The following PARG variants were observed in gnomAD, a reference collection of about 807,000 sequenced individuals.
The protein encoded by PARG is mitochondrial poly(ADP-ribose) glycohydrolase.
Under a neutral mutation model 113.0 loss-of-function variants are expected in PARG, and 35 were observed. The observed-to-expected ratio is 0.31, with a 90% CI of 0.24 to 0.41. PARG has a LOEUF of 0.41. Among genes scored for constraint, PARG ranks in the 10% least tolerant of loss-of-function variants. The probability of loss-of-function intolerance (pLI) is 1.00; values close to 1 mark genes in which losing one functional copy is unlikely to be tolerated. For synonymous variants in PARG, 330 were observed against 409.9 expected, an observed-to-expected ratio of 0.81 and a Z score of 2.36; for missense variants, 797 against 1,169.4, an observed-to-expected ratio of 0.68 and a Z score of 4.64.
At chr10:49,825,473 C>T (rs557640717) in intron 16 of PARG, among the ~76,000 whole-genome samples, 2 of 152,252 alleles carry the variant, frequency 1.3e-5, no homozygotes, top group East Asian at 1.9e-4. Flanking sequence ...ATTTACCTCT[C>T]GATGCCTCAG....
chr10:49,857,012 A>AC (rs1327587362), intron 13 of PARG, among the ~76,000 whole-genome samples: 3 of 81,456 alleles, frequency 3.7e-5, no homozygotes, highest in African/African-American at 1.2e-4. Context: ...TCTGTCTCAA[A>AC]AAAAAAAAAA....
Position 49,933,703 on chromosome 10 carries a change from T to C in PARG, c.745A>G (p.Ser249Gly). The change falls in exon 3 of 18, where the codon AGT becomes GGT. Residue 249 changes from serine (S) to glycine (G), a missense_variant. Physicochemically the swap from Ser to Gly is moderately conservative, Grantham distance 56 (BLOSUM62 0). Around this residue, in one of 5 missense-constraint regions of PARG, gnomAD observed 284 missense variants for 306.1 expected, o/e 0.93. Transcript: ENST00000616448. ...ACATCTATCTCATCTTGCTGACAAC[T>C]TGCACAGTCTTCCCCAGGATCGCAA... ...KSCDPGEDCASCQQDEIDVVP... is the reference protein window; with the variant it reads ...KSCDPGEDCAGCQQDEIDVVP... The C allele has an allele frequency of 5.0e-6, 8 of 1,611,712 alleles. No individual in the cohort carries two copies. The highest frequency in any genetic ancestry group is 1.1e-5 in the South Asian group (1 of 91,040).
chr10:49,837,348 T>C (rs1844991242), intron 15 of PARG, among the ~76,000 whole-genome samples: 3 of 151,326 alleles, frequency 2.0e-5, no homozygotes, highest in Admixed American at 1.3e-4. Context: ...CGTAGAAAAA[T>C]GTGGGTTTTT....
chr10:49,919,544 G>A (rs1233276886), intron 6 of PARG, among the ~76,000 whole-genome samples: 4 of 152,130 alleles, frequency 2.6e-5, no homozygotes, highest in Non-Finnish European at 5.9e-5. Context: ...TCATCCAGAT[G>A]TGGTAATTAC....
rs1021307563 is a variant in PARG at position 49,818,316 on chromosome 10, T to C, written c.*1024A>G. 4 of 152,498 alleles carry C rather than the reference T, an allele frequency of 2.6e-5. No homozygotes were observed. Among genetic ancestry groups the C allele is most frequent in the African/African-American group, 9.6e-5 (4 of 41,464 alleles). 9.4% of individuals were successfully genotyped at this position (152,498 alleles called of 1,614,324 possible). A position where few individuals can be genotyped will look rare whatever the true frequency, so the allele number is the denominator to read the frequency against. ...AGTCCAATTTTATTTAGATTTTATG[T>C]GCTCACATATAGACACACTTAAAGA... is the stretch of plus-strand genomic sequence containing the variant. On this transcript the variant is annotated 3_prime_UTR_variant, in exon 18 of 18. Transcript: ENST00000616448.
intron 7 of PARG, among the ~76,000 whole-genome samples, chr10:49,897,443 T>C (rs368831688): frequency 2.9e-3 from 444 of 151,788 alleles, no homozygotes; most frequent in East Asian, 0.011. Flanking sequence ...TAGAGCCAAA[T>C]GTACATACTT....
At chr10:49,894,307 G>T (rs1328431528) in intron 7 of PARG, among the ~76,000 whole-genome samples, 5 of 151,562 alleles carry the variant, frequency 3.3e-5, no homozygotes, top group Admixed American at 2.6e-4. Context: ...CTCGCAAAGT[G>T]CTGGGATAAC....
rs1237870492 is a variant in PARG, at chr10:49,938,507, C to T, written c.217+3002G>A. ...ACCTGCATGTCAAAGGAACATTCCA[C>T]TTTCACAAAAAGTCTATAGCAACAC... On this transcript the variant is annotated intron_variant, in intron 1 of 17. Transcript: ENST00000616448. Among the ~76,000 whole-genome samples, 299 of 152,326 alleles carry T rather than the reference C, an allele frequency of 2.0e-3. 3 individuals carry two copies. Among genetic ancestry groups the T allele is most frequent in the African/African-American group, 7.0e-3 (289 of 41,574 alleles).
intron 8 of PARG, among the ~76,000 whole-genome samples, chr10:49,884,239 T>G (rs1331418178): frequency 6.6e-6 from 1 of 152,148 alleles, no homozygotes; most frequent in Non-Finnish European, 1.5e-5. Context: ...AGCCATTAAT[T>G]TTGACATAAT....
intron 7 of PARG, among the ~76,000 whole-genome samples, chr10:49,915,360 T>C (rs1324381887): frequency 6.6e-6 from 1 of 152,110 alleles, no homozygotes; most frequent in East Asian, 1.9e-4. Flanking sequence ...GAAAAGACTC[T>C]CTCTGCTAAT....
rs1232171219 is a variant in PARG, at chr10:49,879,882, CA to C, written c.1831-53del. ...ACGAGAAGAGCAATAATTAGTTTAGCAATTTCAAAAGCAGAGGCACCAAATT... is the reference window on the plus strand; with the variant it reads ...ACGAGAAGAGCAATAATTAGTTTAGCATTTCAAAAGCAGAGGCACCAAATT... On this transcript the variant is annotated intron_variant, in intron 8 of 17. Transcript: ENST00000616448. The C allele has an allele frequency of 5.3e-6, 4 of 756,652 alleles. No homozygotes were observed. The African/African-American group carries it at 7.2e-5, about 14-fold the overall frequency. 46.9% of individuals were successfully genotyped at this position (756,652 alleles called of 1,614,324 possible).
At chr10:49,836,633 T>C (rs1554831166) in intron 15 of PARG, among the ~76,000 whole-genome samples, 1 of 152,152 alleles carries the variant, frequency 6.6e-6, no homozygotes, top group African/African-American at 2.4e-5. Context: ...TGATACATTT[T>C]GAACATTCTC....
intron 15 of PARG, among the ~76,000 whole-genome samples, chr10:49,839,119 C>T (rs1015696946): frequency 6.6e-6 from 1 of 151,936 alleles, no homozygotes; most frequent in African/African-American, 2.4e-5. Context: ...GGCAGATAAC[C>T]TGAGGTCAGG....
chr10:49,924,598 A>T (rs1193456887), intron 4 of PARG, among the ~76,000 whole-genome samples: 11 of 149,342 alleles, frequency 7.4e-5, no homozygotes, highest in African/African-American at 2.7e-4. Context: ...CAAACCCCAT[A>T]CACTAGTTCA....
intron 7 of PARG, among the ~76,000 whole-genome samples, chr10:49,904,133 C>G (rs1434517887): frequency 6.6e-6 from 1 of 151,458 alleles, no homozygotes; most frequent in Non-Finnish European, 1.5e-5. Context: ...AAAAAGGTGG[C>G]TGAGGCAGAA....
At chr10:49,916,054 C>T in intron 6 of PARG, 63 bp from the exon 7 acceptor site, 2 of 854,842 alleles carry the variant, frequency 2.3e-6, no homozygotes, top group Non-Finnish European at 3.9e-6. Flanking sequence ...CTATGAAGAG[C>T]CTGTCTCTTA....
chr10:49,907,787 A>G (rs1387806777), intron 7 of PARG, among the ~76,000 whole-genome samples: 1 of 152,174 alleles, frequency 6.6e-6, no homozygotes, highest in African/African-American at 2.4e-5. Flanking sequence ...ACAAAACCCA[A>G]AACACTTCAG....
chr10:49,908,324 G>T (rs1270294050), intron 7 of PARG: 3 of 152,142 alleles, frequency 2.0e-5, no homozygotes, highest in African/African-American at 7.2e-5. Flanking sequence ...ACCAGGGAGA[G>T]AAATTCCACA....
intron 15 of PARG, among the ~76,000 whole-genome samples, chr10:49,840,936 T>C (rs1294281281): frequency 2.6e-5 from 4 of 152,146 alleles, no homozygotes; most frequent in Non-Finnish European, 4.4e-5. Flanking sequence ...TTCTTGGCTG[T>C]GTGAATAATT....
Sources: allele counts gnomAD v4.1 joint callset (sites outside exome capture counted in the v4.1 genomes callset), GRCh38; gene constraint gnomAD v4.1.1; regional missense constraint gnomAD v4.1.1; transcripts MANE v1.5; gene names NCBI Gene and HGNC (gene_info 2026-07-23, HGNC 2026-07-21).